MAP2K7: variants seen among roughly 807,000 people sequenced by gnomAD.
MAP2K7 encodes the protein dual specificity mitogen-activated protein kinase kinase 7.
Under a neutral mutation model 47.7 loss-of-function variants are expected in MAP2K7, and 12 were observed. The observed-to-expected ratio is 0.25, with a 90% CI of 0.16 to 0.41. The LOEUF (loss-of-function observed/expected upper bound fraction) is 0.41. Ranked by LOEUF, MAP2K7 falls within the 10% of genes least tolerant of loss-of-function variation. MAP2K7 has a pLI of 1.00. For missense variants in MAP2K7, 415 were observed against 600.3 expected (o/e 0.69, Z 3.23); for synonymous variants, 299 against 243.0 (o/e 1.23, Z -2.14).
chr19:7,911,235 C>T lies in MAP2K7; in HGVS notation c.856-15C>T. 4 of 1,607,214 alleles carry T rather than the reference C, an allele frequency of 2.5e-6. No individual in the cohort carries two copies. Among genetic ancestry groups the T allele is most frequent in the Non-Finnish European group, 2.5e-6 (3 of 1,176,532 alleles). Reference sequence around the variant, plus strand: ...CCCAGCCTTGGAGATACGTCTTCTCCTCCCCCCCCTGCAGCCCGAGCGCAT... The same window carrying T: ...CCCAGCCTTGGAGATACGTCTTCTCTTCCCCCCCCTGCAGCCCGAGCGCAT... On this transcript the variant is annotated splice_polypyrimidine_tract_variant and intron_variant, in intron 7 of 10. Transcript: ENST00000397979.
chr19:7,910,214 G>A (rs372106606), intron 3 of MAP2K7, 46 bp from the exon 4 acceptor site: 40 of 1,603,840 alleles, frequency 2.5e-5, no homozygotes, highest in African/African-American at 6.7e-5. Flanking sequence ...GGCAGGGGGC[G>A]GTGGCAGAGG....
At position 7,912,494 on chromosome 19, in the gene MAP2K7, T is replaced by C; in HGVS notation, c.*63T>C. ...CATGGCCACAGGCCCCCCTCCCCAC[T>C]TGGCCACCCAGCTGCCTGCCAGGGG... On this transcript the variant is annotated 3_prime_UTR_variant, in exon 11 of 11. Transcript: ENST00000397979. The C allele has an allele frequency of 6.5e-6, 10 of 1,533,428 alleles. No homozygotes were observed. The highest frequency in any genetic ancestry group is 8.7e-6 in the Non-Finnish European group (10 of 1,145,722). 95.0% of individuals were successfully genotyped at this position (1,533,428 alleles called of 1,614,324 possible). A position where few individuals can be genotyped will look rare whatever the true frequency, so the allele number is the denominator to read the frequency against.
At position 7,912,849 on chromosome 19, in the gene MAP2K7, C is replaced by T. The variant is rs949028706; in HGVS notation, c.*418C>T. On this transcript the variant is annotated 3_prime_UTR_variant, in exon 11 of 11. Transcript: ENST00000397979. ...CTTCCGTCGCCCTCTGTCCCCTGCT[C>T]TACCTCTCTGTCCTTGTCTGGCTCT... is the stretch of plus-strand genomic sequence containing the variant. 4 of 216,184 alleles carry T rather than the reference C, an allele frequency of 1.9e-5. No individual in the cohort carries two copies. Among genetic ancestry groups the T allele is most frequent in the Non-Finnish European group, 3.8e-5 (4 of 106,020 alleles). 13.4% of individuals were successfully genotyped at this position (216,184 alleles called of 1,614,324 possible).
At chr19:7,906,134 C>G (rs1568274675) in intron 1 of MAP2K7, 1 of 505,306 alleles carries the variant, frequency 2.0e-6, no homozygotes, top group Non-Finnish European at 3.6e-6. Flanking sequence ...TCTGTGGCCT[C>G]CGGGGGTGGG....
chr19:7,911,380 G>C (rs1377718912), intron 8 of MAP2K7, 50 bp downstream of exon 8: 9 of 1,613,298 alleles, frequency 5.6e-6, no homozygotes, highest in Admixed American at 1.7e-5. Context: ...GGGCTTCTGG[G>C]GGACTCGGAG....
intron 1 of MAP2K7, 114 bp downstream of exon 1, chr19:7,904,182 C>T (rs1028233638): frequency 1.3e-4 from 113 of 853,728 alleles, no homozygotes; most frequent in Non-Finnish European, 1.6e-4. Flanking sequence ...TCGCTCTCCT[C>T]TCCGCCCCCC....
chr19:7,907,059 A>C (rs906688309), intron 1 of MAP2K7: 2 of 152,026 alleles, frequency 1.3e-5, no homozygotes, highest in Non-Finnish European at 2.9e-5. Context: ...AAAAAAAAAA[A>C]CATAAAAGAT....
At chr19:7,905,859 C>T (rs758630855) in intron 1 of MAP2K7, 2 of 1,611,966 alleles carry the variant, frequency 1.2e-6, no homozygotes, top group East Asian at 4.5e-5. Context: ...CGAGCAGGTA[C>T]CAGCCTTTTT....
intron 1 of MAP2K7, among the ~76,000 whole-genome samples, chr19:7,908,957 G>A (rs1409504143): frequency 4.8e-5 from 7 of 145,894 alleles, no homozygotes; most frequent in East Asian, 2.3e-4. Flanking sequence ...CCTGCCCGCC[G>A]CCTGCCCACC....
intron 1 of MAP2K7, 150 bp downstream of exon 1, chr19:7,904,218 T>C (rs1033967475): frequency 3.1e-6 from 2 of 648,744 alleles, no homozygotes; most frequent in Non-Finnish European, 2.0e-6. Context: ...GGGGCGAGGG[T>C]CACGGTGACC....
At chr19:7,907,015 AGCCTGG>A (rs1982504145) in intron 1 of MAP2K7, 1 of 152,034 alleles carries the variant, frequency 6.6e-6, no homozygotes, top group African/African-American at 2.4e-5. Context: ...ATTGCACTTC[AGCCTGG>A]GCAACAAGAG....
Position 7,909,915 on chromosome 19 carries a change from A to G in MAP2K7, c.266+19A>G. On this transcript the variant is annotated intron_variant, in intron 2 of 10. Transcript: ENST00000397979. ...TGGAGAGGTGAGCCAGGGGCCCAGC[A>G]GGGTTGGGTGGGAAGCAGCATTGAG... 6.6e-7 allele frequency: 1 copy of G among 1,505,562 alleles called. No individual in the cohort carries two copies. The highest frequency in any genetic ancestry group is 2.5e-5 in the East Asian group (1 of 40,392). The allele number at this position is 1,505,562 out of a possible 1,614,324, so 93.3% of individuals were successfully genotyped here. A position where few individuals can be genotyped will look rare whatever the true frequency, so the allele number is the denominator to read the frequency against.
At position 7,914,264 on chromosome 19, in the gene MAP2K7, C is replaced by G. The variant is rs1983149030; in HGVS notation, c.*1833C>G. On this transcript the variant is annotated 3_prime_UTR_variant, in exon 11 of 11. Coordinates refer to ENST00000397979, the MANE Select transcript of MAP2K7 (RefSeq NM_145185.4). ...TGGGGGAGTCTCTCCTGCCTCCCAG[C>G]CTCTCCCAAGACCTCCCCCCTCGTC... 1 of 152,476 alleles carries G rather than the reference C, an allele frequency of 6.6e-6. No individual in the cohort carries two copies. Among genetic ancestry groups the G allele is most frequent in the Non-Finnish European group, 1.5e-5 (1 of 68,084 alleles). 9.4% of individuals were successfully genotyped at this position (152,476 alleles called of 1,614,324 possible).
At chr19:7,909,214 G>C (rs1982655352) in intron 1 of MAP2K7, among the ~76,000 whole-genome samples, 1 of 152,316 alleles carries the variant, frequency 6.6e-6, no homozygotes, top group East Asian at 1.9e-4. Flanking sequence ...CCCCGGAACA[G>C]AAGATAGGGC....
At chr19:7,908,719 C>T (rs1461478974) in intron 1 of MAP2K7, among the ~76,000 whole-genome samples, 2 of 152,058 alleles carry the variant, frequency 1.3e-5, no homozygotes, top group African/African-American at 4.8e-5. Context: ...ATTGGCTCCT[C>T]TGGAGGCCAC....
chr19:7,911,532 G>C lies in MAP2K7; in HGVS notation c.1033G>C (p.Gly345Arg). Residue 345 changes from glycine (G) to arginine (R), a missense_variant, in exon 9 of 11, where the codon GGA (glycine) becomes CGA (arginine). Around this residue, in one of 3 missense-constraint regions of MAP2K7, gnomAD observed 94 missense variants for 105.2 expected, o/e 0.89. Coordinates refer to ENST00000397979, the MANE Select transcript of MAP2K7 (RefSeq NM_145185.4). ...VLQEEPPLLP[G>R]HMGFSGDFQS... Reference sequence around the variant, plus strand: ...ACAGGAAGAGCCCCCGCTTCTGCCCGGACACATGGGCTTCTCGGGGGACTT... The same window carrying C: ...ACAGGAAGAGCCCCCGCTTCTGCCCCGACACATGGGCTTCTCGGGGGACTT... 4.3e-6 allele frequency: 7 copies of C among 1,610,382 alleles called. No homozygotes were observed. The highest frequency in any genetic ancestry group is 4.2e-6 in the Non-Finnish European group (5 of 1,178,418).
Position 7,910,331 on chromosome 19 carries a change from G to T in MAP2K7, c.405G>T (p.Trp135Cys). The part of the protein sequence containing the change: ...EMGSGTCGQV[W>C]KMRFRKTGHV... ...GCAGCGGCACCTGCGGCCAGGTGTG[G>T]AAGATGCGCTTCCGGAAGACCGGCC... is the stretch of plus-strand genomic sequence containing the variant. The change falls in exon 4 of 11, where the codon TGG becomes TGT. Residue 135 changes from tryptophan to cysteine, a missense_variant. Coordinates refer to ENST00000397979, the MANE Select transcript of MAP2K7 (RefSeq NM_145185.4). 6.2e-7 allele frequency: 1 copy of T among 1,613,264 alleles called. No homozygotes were observed.
intron 1 of MAP2K7, chr19:7,906,265 C>A: frequency 4.8e-6 from 1 of 206,910 alleles, no homozygotes; most frequent in Non-Finnish European, 1.0e-5. Flanking sequence ...CCCCCGGGTT[C>A]CATACCAGCC....
chr19:7,908,349 C>T lies in MAP2K7; in HGVS notation c.125-1406C>T, dbSNP rs865821016. 2.7e-4 allele frequency among the ~76,000 whole-genome samples: 41 copies of T among 152,260 alleles called. No individual in the cohort carries two copies. In the South Asian group the frequency reaches 4.6e-3, roughly 17 times the overall value. On this transcript the variant is annotated intron_variant, in intron 1 of 10. Coordinates refer to ENST00000397979, the MANE Select transcript of MAP2K7 (RefSeq NM_145185.4). ...GTCCTCCAGGAGGGGAGCTAGGGGG[C>T]ACAGCTCCTGCAGGGGCTGGCAGGA...
Sources: allele counts gnomAD v4.1 joint callset (sites outside exome capture counted in the v4.1 genomes callset), GRCh38; gene constraint gnomAD v4.1.1; regional missense constraint gnomAD v4.1.1; transcripts MANE v1.5; gene names NCBI Gene and HGNC (gene_info 2026-07-23, HGNC 2026-07-21).